PTPRA: variants seen among roughly 807,000 people sequenced by gnomAD.
The protein encoded by PTPRA is receptor-type tyrosine-protein phosphatase alpha.
A neutral mutation model predicts 104.8 loss-of-function variants in PTPRA; 25 were observed. That is an observed-to-expected ratio of 0.24 (90% CI 0.17 to 0.33). The LOEUF is 0.33. Ranked by LOEUF, PTPRA falls within the 10% of genes least tolerant of loss-of-function variation. The probability of loss-of-function intolerance (pLI) is 1.00; values close to 1 mark genes in which losing one functional copy is unlikely to be tolerated. For missense variants in PTPRA, 765 were observed against 1,015.3 expected (o/e 0.75, Z 3.35); for synonymous variants, 323 against 368.9 (o/e 0.88, Z 1.43).
chr20:2,921,653 C>T (rs2060101570), intron 1 of PTPRA, among the ~76,000 whole-genome samples: 1 of 151,890 alleles, frequency 6.6e-6, no homozygotes, highest in African/African-American at 2.4e-5. Context: ...ATTTATGTGC[C>T]AGCTGGATTC....
intron 1 of PTPRA, among the ~76,000 whole-genome samples, chr20:2,907,010 A>G (rs2059450316): frequency 1.3e-5 from 2 of 152,180 alleles, no homozygotes; most frequent in Admixed American, 1.3e-4. Flanking sequence ...AGTGTGAGCT[A>G]AGAAACTATA....
rs372995700 is a variant in PTPRA at position 2,964,309 on chromosome 20, G to T, written c.32G>T (p.Gly11Val). ...TCCTGGTTCATTCTTGTTCTGCTCG[G>T]CAGTGGTCTGATATGTGTCAGTGCC... MDSWFILVLLGSGLICVSANN... is the reference protein window; with the variant it reads MDSWFILVLLVSGLICVSANN... The change falls in exon 4 of 24, where the codon GGC (glycine) becomes GTC (valine). Residue 11 changes from glycine to valine, a missense_variant. By Grantham distance (109) the Gly-to-Val change is moderately radical. Coordinates refer to ENST00000399903, the MANE Select transcript of PTPRA (RefSeq NM_001385305.1). 105 of 1,610,198 alleles carry T rather than the reference G, an allele frequency of 6.5e-5. No individual in the cohort carries two copies. The highest frequency in any genetic ancestry group is 5.5e-5 in the Non-Finnish European group (65 of 1,178,870).
intron 1 of PTPRA, among the ~76,000 whole-genome samples, chr20:2,897,449 G>T (rs1028426444): frequency 2.1e-5 from 3 of 145,930 alleles, no homozygotes; most frequent in East Asian, 2.0e-4. Flanking sequence ...GTGCAATGGC[G>T]TGATCTCGTC....
intron 20 of PTPRA, among the ~76,000 whole-genome samples, chr20:3,032,566 G>A (rs1324962992): frequency 6.6e-6 from 1 of 151,970 alleles, no homozygotes; most frequent in Admixed American, 6.6e-5. Flanking sequence ...AGGAGATCGA[G>A]ACCAGCCTGG....
chr20:3,026,840 CTT>C (rs1485330172), intron 18 of PTPRA, 60 bp downstream of exon 18: 9 of 1,393,256 alleles, frequency 6.5e-6, no homozygotes, highest in Middle Eastern at 1.8e-4. Flanking sequence ...CCCTCCACCC[CTT>C]CCATTTCTCA....
intron 1 of PTPRA, among the ~76,000 whole-genome samples, chr20:2,920,621 T>A (rs943978175): frequency 6.6e-6 from 1 of 151,866 alleles, no homozygotes; most frequent in Non-Finnish European, 1.5e-5. Flanking sequence ...GAGGGAGTGA[T>A]GATGGGAATT....
chr20:2,936,532 G>T (rs954333209), intron 2 of PTPRA, among the ~76,000 whole-genome samples: 1 of 151,982 alleles, frequency 6.6e-6, no homozygotes, highest in Admixed American at 6.6e-5. Flanking sequence ...TGCAATCATG[G>T]CTCACTGCAG....
At chr20:2,887,583 G>T (rs1037933264) in intron 1 of PTPRA, among the ~76,000 whole-genome samples, 14 of 152,182 alleles carry the variant, frequency 9.2e-5, no homozygotes, top group Non-Finnish European at 1.5e-4. Flanking sequence ...GAGCTTTTGT[G>T]TGTGGGAAGA....
At chr20:2,915,703 T>G (rs1055705418) in intron 1 of PTPRA, among the ~76,000 whole-genome samples, 5 of 152,180 alleles carry the variant, frequency 3.3e-5, no homozygotes, top group Admixed American at 2.6e-4. Flanking sequence ...TTTTATAGTT[T>G]TAGACCAAGC....
intron 20 of PTPRA, among the ~76,000 whole-genome samples, chr20:3,030,505 G>A (rs1350064777): frequency 3.3e-5 from 5 of 151,906 alleles, no homozygotes; most frequent in Non-Finnish European, 7.4e-5. Context: ...AGTAATTAAC[G>A]CACTAAGCCT....
chr20:2,896,297 T>C (rs2058996075), intron 1 of PTPRA, among the ~76,000 whole-genome samples: 1 of 152,200 alleles, frequency 6.6e-6, no homozygotes, highest in Non-Finnish European at 1.5e-5. Context: ...GAGAATCGCT[T>C]GAACCCGGGA....
upstream of PTPRA, among the ~76,000 whole-genome samples, chr20:2,871,590 G>A (rs936471179): frequency 6.6e-6 from 1 of 152,214 alleles, no homozygotes; most frequent in Admixed American, 6.5e-5. Context: ...AAGTAAGCTG[G>A]TGGGGTTTGG....
chr20:3,005,584 TAATAAATAAGATA>T (rs2063826271), intron 10 of PTPRA, among the ~76,000 whole-genome samples: 1 of 148,968 alleles, frequency 6.7e-6, no homozygotes, highest in African/African-American at 2.5e-5. Flanking sequence ...AAATAAATAA[TAATAAATAAGATA>T]AATAAATAAG....
At chr20:2,904,856 A>G (rs748453514) in intron 1 of PTPRA, among the ~76,000 whole-genome samples, 51 of 152,312 alleles carry the variant, frequency 3.3e-4, no homozygotes, top group South Asian at 6.2e-4. Context: ...TCGATTACTA[A>G]GAATGATCCT....
rs1157705666 is a variant in PTPRA, at chr20:2,964,728, G to A, written c.74-133G>A. On this transcript the variant is annotated intron_variant, in intron 4 of 23. Transcript: ENST00000399903. Reference sequence around the variant, plus strand: ...TGAGATAAAAACGTAGGGGGTGGGTGGTGTTGAGGGGGATTGGTCTTTGCT... The same window carrying A: ...TGAGATAAAAACGTAGGGGGTGGGTAGTGTTGAGGGGGATTGGTCTTTGCT... 5.4e-6 allele frequency: 4 copies of A among 735,482 alleles called. No homozygotes were observed. In the Admixed American group the frequency reaches 1.1e-4, roughly 20 times the overall value. The allele number at this position is 735,482 out of a possible 1,614,324, so 45.6% of individuals were successfully genotyped here. A position where few individuals can be genotyped will look rare whatever the true frequency, so the allele number is the denominator to read the frequency against.
At chr20:2,879,546 A>C (rs1171409449) in intron 1 of PTPRA, among the ~76,000 whole-genome samples, 1 of 152,156 alleles carries the variant, frequency 6.6e-6, no homozygotes, top group Non-Finnish European at 1.5e-5. Flanking sequence ...GGAACTTAGA[A>C]AAATCAGGGT....
chr20:3,005,415 T>A lies in PTPRA; in HGVS notation c.829+269T>A, dbSNP rs2063817772. Among the ~76,000 whole-genome samples, 4 of 152,026 alleles carry A rather than the reference T, an allele frequency of 2.6e-5. No homozygotes were observed. In the South Asian group the frequency reaches 8.3e-4, roughly 32 times the overall value. ...ACCTTAAAAAATTAGCCAGGCATGG[T>A]GGTGTGTGTCTGTCGTCCCAGCTAC... On this transcript the variant is annotated intron_variant, in intron 10 of 23. Coordinates refer to ENST00000399903, the MANE Select transcript of PTPRA (RefSeq NM_001385305.1).
chr20:2,922,594 G>A (rs1249901372), intron 1 of PTPRA, among the ~76,000 whole-genome samples: 1 of 151,960 alleles, frequency 6.6e-6, no homozygotes, highest in East Asian at 1.9e-4. Context: ...CGCCTGCCTC[G>A]GCCTCCCAAA....
At position 3,038,309 on chromosome 20, in the gene PTPRA, C is replaced by T. The variant is rs971514736; in HGVS notation, c.*176C>T. On this transcript the variant is annotated 3_prime_UTR_variant, in exon 24 of 24. Coordinates refer to ENST00000399903, the MANE Select transcript of PTPRA (RefSeq NM_001385305.1). ...ATGTAAATGTGTTAGCACTGATAGTCCTTTTTCCAATGTTTTATTGGGGAA... is the reference window on the plus strand; with the variant it reads ...ATGTAAATGTGTTAGCACTGATAGTTCTTTTTCCAATGTTTTATTGGGGAA... 19 of 562,608 alleles carry T rather than the reference C, an allele frequency of 3.4e-5. No homozygotes were observed. Among genetic ancestry groups the T allele is most frequent in the Non-Finnish European group, 3.1e-5 (10 of 320,904 alleles). The allele number at this position is 562,608 out of a possible 1,614,324, so 34.9% of individuals were successfully genotyped here.
Sources: allele counts gnomAD v4.1 joint callset (sites outside exome capture counted in the v4.1 genomes callset), GRCh38; gene constraint gnomAD v4.1.1; transcripts MANE v1.5; gene names NCBI Gene and HGNC (gene_info 2026-07-23, HGNC 2026-07-21).